SNTG2: variants seen among roughly 807,000 people sequenced by gnomAD.
The protein encoded by SNTG2 is gamma-2-syntrophin.
A neutral mutation model predicts 70.9 loss-of-function variants in SNTG2; 74 were observed. The ratio of observed to expected loss-of-function variants is 1.04; its 90% confidence interval spans 0.86 to 1.27. The LOEUF (loss-of-function observed/expected upper bound fraction) is 1.27, where lower values mean the gene tolerates loss of function less well. SNTG2 is among the 50% of genes most tolerant of loss of function. The pLI is 0.00. For missense variants in SNTG2, 717 were observed against 690.7 expected (o/e 1.04, Z -0.43); for synonymous variants, 278 against 273.8 (o/e 1.02, Z -0.15).
intron 2 of SNTG2, among the ~76,000 whole-genome samples, chr2:1,092,345 A>T (rs1434814797): frequency 6.6e-6 from 1 of 152,122 alleles, no homozygotes; most frequent in Non-Finnish European, 1.5e-5. Context: ...TGTGAGGAGT[A>T]AGACCTCCAG....
At chr2:956,399 C>A (rs964781500) in intron 1 of SNTG2, among the ~76,000 whole-genome samples, 1 of 152,264 alleles carries the variant, frequency 6.6e-6, no homozygotes, top group Admixed American at 6.5e-5. Flanking sequence ...CATAACCACT[C>A]ACCCCGTGGC....
At chr2:1,223,923 G>A (rs1199250297) in intron 9 of SNTG2, among the ~76,000 whole-genome samples, 1 of 151,406 alleles carries the variant, frequency 6.6e-6, no homozygotes, top group Non-Finnish European at 1.5e-5. Context: ...AGCTCTGGAG[G>A]CCGTAGCCCA....
chr2:1,042,170 T>C (rs1234171943), intron 1 of SNTG2, among the ~76,000 whole-genome samples: 1 of 152,242 alleles, frequency 6.6e-6, no homozygotes. Flanking sequence ...TTTTTTAAAA[T>C]GGTGGATTAG....
intron 16 of SNTG2, among the ~76,000 whole-genome samples, chr2:1,355,052 A>G (rs1660770328): frequency 6.6e-6 from 1 of 152,198 alleles, no homozygotes; most frequent in Admixed American, 6.5e-5. Flanking sequence ...ACTAAGTAAA[A>G]TAACATGAGC....
intron 1 of SNTG2, among the ~76,000 whole-genome samples, chr2:994,012 C>T (rs1661591137): frequency 6.6e-6 from 1 of 151,926 alleles, no homozygotes; most frequent in Non-Finnish European, 1.5e-5. Context: ...TTCAGTTGAT[C>T]TATTTTTACT....
intron 6 of SNTG2, among the ~76,000 whole-genome samples, chr2:1,161,893 T>C (rs888640546): frequency 6.6e-6 from 1 of 151,762 alleles, no homozygotes; most frequent in African/African-American, 2.4e-5. Flanking sequence ...GCTAACACGG[T>C]GAAACCCCGT....
At chr2:1,038,614 C>T (rs1214203284) in intron 1 of SNTG2, among the ~76,000 whole-genome samples, 1 of 152,128 alleles carries the variant, frequency 6.6e-6, no homozygotes, top group African/African-American at 2.4e-5. Context: ...TAAATCTTAG[C>T]TATTATTCGA....
At chr2:1,200,409 A>C (rs4502453) in intron 8 of SNTG2, among the ~76,000 whole-genome samples, 49,281 of 151,828 alleles carry the variant, frequency 0.32, 8,544 homozygotes, top group East Asian at 0.65. Context: ...CAAAATTATA[A>C]AACTACTAGA....
rs1459414266 is a variant in SNTG2 at position 1,256,128 on chromosome 2, A to G, written c.1006-3242A>G. On this transcript the variant is annotated intron_variant, in intron 12 of 16. Coordinates refer to ENST00000308624, the MANE Select transcript of SNTG2 (RefSeq NM_018968.4). The stretch of plus-strand genomic sequence containing the variant: ...TATGTATATTTTCATATAGAAAACC[A>G]AATGTTTCGGCACCATTACTGCCTA... Among the ~76,000 whole-genome samples the G allele has an allele frequency of 2.6e-5, 4 of 151,804 alleles. No individual in the cohort carries two copies. In the East Asian group the frequency reaches 7.8e-4, roughly 29 times the overall value.
intron 1 of SNTG2, among the ~76,000 whole-genome samples, chr2:996,432 T>G (rs1270716687): frequency 6.6e-6 from 1 of 152,122 alleles, no homozygotes; most frequent in Non-Finnish European, 1.5e-5. Context: ...TCCTTACACC[T>G]TGTAGAAAAA....
At chr2:1,308,681 C>A in intron 15 of SNTG2, 95 bp downstream of exon 15, 1 of 1,029,996 alleles carries the variant, frequency 9.7e-7, no homozygotes, top group Non-Finnish European at 1.5e-6. Context: ...GTAGAAGCCA[C>A]CAACCTTGCT....
intron 10 of SNTG2, 80 bp downstream of exon 10, chr2:1,238,097 T>C: frequency 6.7e-7 from 1 of 1,494,166 alleles, no homozygotes; most frequent in Non-Finnish European, 9.0e-7. Flanking sequence ...TTTCTGATGA[T>C]TTATGATTAA....
At chr2:1,220,661 T>C (rs1000630690) in intron 9 of SNTG2, among the ~76,000 whole-genome samples, 2 of 152,248 alleles carry the variant, frequency 1.3e-5, no homozygotes, top group African/African-American at 4.8e-5. Flanking sequence ...AGGGTGTTCA[T>C]GTTGACAGAA....
At chr2:1,262,121 A>T (rs1558610001) in intron 13 of SNTG2, among the ~76,000 whole-genome samples, 1 of 152,220 alleles carries the variant, frequency 6.6e-6, no homozygotes, top group Non-Finnish European at 1.5e-5. Context: ...CGAAGAAGGC[A>T]AGAAGACCTT....
At position 1,080,479 on chromosome 2, in the gene SNTG2, C is replaced by T. The variant is rs372873315; in HGVS notation, c.73-3039C>T. Among the ~76,000 whole-genome samples the T allele has an allele frequency of 2.4e-3, 360 of 152,242 alleles. 1 individual carries two copies. The highest frequency in any genetic ancestry group is 8.3e-3 in the African/African-American group (344 of 41,536). On this transcript the variant is annotated intron_variant, in intron 1 of 16. Transcript: ENST00000308624. ...CTTGCTCTTCTGTGGTGTGTATGTG[C>T]CTATGTGTATGTGTGTGCATGCATT...
rs530271650 is a variant in SNTG2 at position 1,076,185 on chromosome 2, G to A, written c.73-7333G>A. Among the ~76,000 whole-genome samples, 18 of 152,324 alleles carry A rather than the reference G, an allele frequency of 1.2e-4. No individual in the cohort carries two copies. The South Asian group carries it at 2.7e-3, about 23-fold the overall frequency. On this transcript the variant is annotated intron_variant, in intron 1 of 16. Transcript: ENST00000308624. ...ATCTTTGGTAGACCCAGTTGACCAA[G>A]TCAGAAGGCACAGTATTAGAAGTTT...
chr2:1,148,657 C>T lies in SNTG2; in HGVS notation c.411+10848C>T, dbSNP rs900548498. The stretch of plus-strand genomic sequence containing the variant: ...TGTGGTTTGGAAAGGGTTCCCCCCG[C>T]TCCTTGTGTGATCACCCAGATGATG... On this transcript the variant is annotated intron_variant, in intron 6 of 16. Coordinates refer to ENST00000308624, the MANE Select transcript of SNTG2 (RefSeq NM_018968.4). Among the ~76,000 whole-genome samples, 6 of 152,368 alleles carry T rather than the reference C, an allele frequency of 3.9e-5. No homozygotes were observed. The East Asian group carries it at 1.2e-3, about 29-fold the overall frequency.
chr2:1,273,969 A>G (rs558746015), intron 14 of SNTG2, among the ~76,000 whole-genome samples: 9 of 152,386 alleles, frequency 5.9e-5, no homozygotes, highest in African/African-American at 1.9e-4. Context: ...TAGAAAAACA[A>G]TAAGAAATTT....
At position 1,039,573 on chromosome 2, in the gene SNTG2, G is replaced by T. The variant is rs559023626; in HGVS notation, c.73-43945G>T. Among the ~76,000 whole-genome samples the T allele has an allele frequency of 3.0e-3, 453 of 152,052 alleles. 1 individual carries two copies. The highest frequency in any genetic ancestry group is 5.0e-3 in the Non-Finnish European group (342 of 68,006). ...ACTGGTCTTCCTTGTTTTCTTTGAG[G>T]GCCATCAATCTTGGGGGGATGGCAG... On this transcript the variant is annotated intron_variant, in intron 1 of 16. Coordinates refer to ENST00000308624, the MANE Select transcript of SNTG2 (RefSeq NM_018968.4).
Sources: gnomAD v4.1 joint callset for allele counts (sites outside exome capture counted in the v4.1 genomes callset) on GRCh38, gnomAD v4.1.1 for gene constraint, MANE v1.5 for transcripts, NCBI Gene and HGNC (gene_info 2026-07-23, HGNC 2026-07-21) for gene names.